THSD7B: variants seen among roughly 807,000 people sequenced by gnomAD.
THSD7B encodes thrombospondin type 1 domain containing 7B.
Under a neutral mutation model 213.6 loss-of-function variants are expected in THSD7B, and 138 were observed. The observed-to-expected ratio is 0.65, with a 90% confidence interval of 0.56 to 0.74. THSD7B has a LOEUF of 0.74. THSD7B is among the 30% of genes least tolerant of loss of function. The pLI, the probability that THSD7B is intolerant of heterozygous loss-of-function variation, is 0.00. For missense variants in THSD7B, 1,931 were observed against 1,991.5 expected, an observed-to-expected ratio of 0.97 and a Z score of 0.58; for synonymous variants, 742 against 687.0, an observed-to-expected ratio of 1.08 and a Z score of -1.25.
intron 1 of THSD7B, among the ~76,000 whole-genome samples, chr2:136,822,390 C>T (rs1157733718): frequency 2.0e-5 from 3 of 152,208 alleles, no homozygotes; most frequent in Admixed American, 1.3e-4. Flanking sequence ...CTGACTCCTG[C>T]TGCTGCTGGT....
intron 2 of THSD7B, among the ~76,000 whole-genome samples, chr2:136,967,838 C>T (rs1010459125): frequency 1.3e-5 from 2 of 152,124 alleles, no homozygotes; most frequent in African/African-American, 4.8e-5. Context: ...AAGAAAATAG[C>T]TCAGTTTTGA....
intron 2 of THSD7B, among the ~76,000 whole-genome samples, chr2:136,998,788 GT>G (rs1294181068): frequency 6.6e-6 from 1 of 152,068 alleles, no homozygotes; most frequent in African/African-American, 2.4e-5. Flanking sequence ...GTCTAAAGTT[GT>G]TTCAAGAGGC....
chr2:137,471,726 T>A (rs992280426), intron 15 of THSD7B, among the ~76,000 whole-genome samples: 1 of 152,080 alleles, frequency 6.6e-6, no homozygotes, highest in Admixed American at 6.5e-5. Flanking sequence ...GTCCAGGGCT[T>A]GTGAAATGGG....
chr2:137,163,974 G>T (rs976833559), intron 6 of THSD7B, among the ~76,000 whole-genome samples: 2 of 152,146 alleles, frequency 1.3e-5, no homozygotes, highest in Admixed American at 6.6e-5. Flanking sequence ...AAGAAGTTTG[G>T]ATCAAAGTAC....
intron 2 of THSD7B, among the ~76,000 whole-genome samples, chr2:136,993,651 G>GAAA: frequency 6.6e-6 from 1 of 152,292 alleles, no homozygotes; most frequent in Non-Finnish European, 1.5e-5. Context: ...ATACACATTT[G>GAAA]AAATACTCTG....
chr2:137,473,503 A>T (rs995091813), intron 15 of THSD7B, among the ~76,000 whole-genome samples: 5 of 152,304 alleles, frequency 3.3e-5, no homozygotes, highest in Middle Eastern at 3.4e-3. Context: ...ATGATGTTCC[A>T]TTATCAGCTA....
chr2:137,073,837 T>C (rs1573804920), intron 3 of THSD7B, among the ~76,000 whole-genome samples: 1 of 152,242 alleles, frequency 6.6e-6, no homozygotes, highest in Non-Finnish European at 1.5e-5. Context: ...TTCAGTTCGT[T>C]ATTTACCCAG....
At chr2:137,224,278 C>A (rs890408998) in intron 7 of THSD7B, among the ~76,000 whole-genome samples, 1 of 152,162 alleles carries the variant, frequency 6.6e-6, no homozygotes, top group Non-Finnish European at 1.5e-5. Flanking sequence ...GTGGATTGAG[C>A]CTTCTGTAGC....
At chr2:137,215,125 C>A (rs1681206521) in intron 7 of THSD7B, among the ~76,000 whole-genome samples, 1 of 152,162 alleles carries the variant, frequency 6.6e-6, no homozygotes, top group South Asian at 2.1e-4. Context: ...GATCACCATT[C>A]TAATTAGCAT....
intron 15 of THSD7B, among the ~76,000 whole-genome samples, chr2:137,531,318 C>A (rs1243718397): frequency 6.6e-6 from 1 of 151,862 alleles, no homozygotes; most frequent in Admixed American, 6.6e-5. Context: ...ATACTGAATT[C>A]AAGAAAATAT....
intron 9 of THSD7B, among the ~76,000 whole-genome samples, chr2:137,235,778 TG>T (rs1389592222): frequency 6.6e-6 from 1 of 152,226 alleles, no homozygotes; most frequent in African/African-American, 2.4e-5. Flanking sequence ...AGTTTTGCTG[TG>T]GTTTACCAAC....
chr2:137,638,281 T>G (rs962189899), intron 20 of THSD7B, among the ~76,000 whole-genome samples: 6 of 152,194 alleles, frequency 3.9e-5, no homozygotes, highest in Non-Finnish European at 8.8e-5. Context: ...GAATCATGGG[T>G]GCCGGTCTTT....
At chr2:136,973,932 C>T (rs909858366) in intron 2 of THSD7B, among the ~76,000 whole-genome samples, 1 of 152,150 alleles carries the variant, frequency 6.6e-6, no homozygotes, top group Non-Finnish European at 1.5e-5. Context: ...TGTGTAACCT[C>T]CTATCTTGAA....
At chr2:137,672,258 C>T (rs914265159) in intron 27 of THSD7B, among the ~76,000 whole-genome samples, 2 of 152,274 alleles carry the variant, frequency 1.3e-5, no homozygotes, top group African/African-American at 2.4e-5. Context: ...ATTGCCATCC[C>T]TATTTTAAAG....
At chr2:136,826,940 C>T (rs1034839206) in intron 1 of THSD7B, among the ~76,000 whole-genome samples, 1 of 152,218 alleles carries the variant, frequency 6.6e-6, no homozygotes, top group Non-Finnish European at 1.5e-5. Context: ...TATATACTTA[C>T]ATCTCCATCT....
At position 137,605,830 on chromosome 2, in the gene THSD7B, A is replaced by C. The variant is rs544090604; in HGVS notation, c.3424-10345A>C. Among the ~76,000 whole-genome samples the C allele has an allele frequency of 5.6e-3, 852 of 151,628 alleles. 1 individual carries two copies. Among genetic ancestry groups the C allele is most frequent in the Non-Finnish European group, 0.011 (714 of 67,892 alleles). On this transcript the variant is annotated intron_variant, in intron 17 of 27. Coordinates refer to ENST00000409968, the MANE Select transcript of THSD7B (RefSeq NM_001316349.2). ...GTTACAGGCGCTTGCCACCACGCCC[A>C]GCTAATTTTTTTGTATTTTTAGTAG... is the stretch of plus-strand genomic sequence containing the variant.
At chr2:137,495,117 T>C (rs968789485) in intron 15 of THSD7B, among the ~76,000 whole-genome samples, 1 of 152,208 alleles carries the variant, frequency 6.6e-6, no homozygotes, top group Non-Finnish European at 1.5e-5. Flanking sequence ...CAGTGCTAAG[T>C]ATTGTGTATT....
intron 1 of THSD7B, among the ~76,000 whole-genome samples, chr2:136,796,979 A>G (rs1682077770): frequency 1.4e-5 from 1 of 73,452 alleles, no homozygotes; most frequent in Non-Finnish European, 2.9e-5. Flanking sequence ...ATCATATTTG[A>G]TCACACACAC....
chr2:137,217,883 C>T (rs1031439479), intron 7 of THSD7B, among the ~76,000 whole-genome samples: 1 of 152,016 alleles, frequency 6.6e-6, no homozygotes, highest in East Asian at 1.9e-4. Flanking sequence ...ATTATGCAAC[C>T]CTGAATTTAC....
Sources: gnomAD v4.1 joint callset for allele counts (sites outside exome capture counted in the v4.1 genomes callset) on GRCh38, gnomAD v4.1.1 for gene constraint, MANE v1.5 for transcripts, NCBI Gene and HGNC (gene_info 2026-07-23, HGNC 2026-07-21) for gene names.